The following SLC7A7 variants were observed in gnomAD, a reference collection of about 807,000 sequenced individuals.
SLC7A7 encodes Y+L amino acid transporter 1.
Under a neutral mutation model 47.9 loss-of-function variants are expected in SLC7A7, and 39 were observed. That is an observed-to-expected ratio of 0.81 (90% CI 0.63 to 1.06). The LOEUF (loss-of-function observed/expected upper bound fraction) is 1.06. Ranked by LOEUF, SLC7A7 falls within the 50% of genes least tolerant of loss-of-function variation. The probability of loss-of-function intolerance (pLI) is 0.00; values close to 1 mark genes in which losing one functional copy is unlikely to be tolerated. For synonymous variants in SLC7A7, 234 were observed against 242.8 expected (o/e 0.96, Z 0.34); for missense variants, 588 against 632.0 (o/e 0.93, Z 0.75).
chr14:22,774,327 A>G (rs756806900), intron 8 of SLC7A7, 27 bp downstream of exon 8: 3 of 1,613,896 alleles, frequency 1.9e-6, no homozygotes, highest in Non-Finnish European at 2.5e-6. Flanking sequence ...TTTCAGGTGG[A>G]GCAGAGGTAG....
intron 2 of SLC7A7, among the ~76,000 whole-genome samples, chr14:22,786,857 G>A (rs1241745202): frequency 2.0e-5 from 3 of 151,680 alleles, no homozygotes; most frequent in East Asian, 2.0e-4. Context: ...GATCGCTTGA[G>A]CCCAAGTGGT....
upstream of SLC7A7, among the ~76,000 whole-genome samples, chr14:22,816,706 ACTGT>A (rs1444450953): frequency 3.3e-5 from 5 of 152,038 alleles, no homozygotes; most frequent in Non-Finnish European, 7.4e-5. Context: ...CTGAAATCCA[ACTGT>A]CTGTTTCTTC....
At chr14:22,794,654 G>A (rs1004970782) in intron 2 of SLC7A7, among the ~76,000 whole-genome samples, 1 of 152,120 alleles carries the variant, frequency 6.6e-6, no homozygotes, top group Admixed American at 6.6e-5. Context: ...GCTTCTCTGG[G>A]TGTGTTTCCT....
At chr14:22,792,968 G>A (rs912667177) in intron 2 of SLC7A7, among the ~76,000 whole-genome samples, 1 of 149,990 alleles carries the variant, frequency 6.7e-6, no homozygotes, top group African/African-American at 2.5e-5. Context: ...CCAGGCTGGA[G>A]TGCAGTGGTG....
chr14:22,805,790 TTAAA>T (rs1415758622), intron 2 of SLC7A7, among the ~76,000 whole-genome samples: 1 of 151,966 alleles, frequency 6.6e-6, no homozygotes, highest in African/African-American at 2.4e-5. Context: ...GGAAGAAAAA[TTAAA>T]TAAATAAAAA....
chr14:22,803,403 G>A (rs141972586), intron 2 of SLC7A7, among the ~76,000 whole-genome samples: 209 of 152,230 alleles, frequency 1.4e-3, no homozygotes, highest in African/African-American at 4.8e-3. Context: ...GGGCAACAGA[G>A]CGAGACACCA....
intron 2 of SLC7A7, among the ~76,000 whole-genome samples, chr14:22,795,456 T>C (rs2039005640): frequency 1.4e-5 from 1 of 73,886 alleles, no homozygotes; most frequent in Non-Finnish European, 2.5e-5. Context: ...TCTATTCTTT[T>C]CTTTTCTTTT....
chr14:22,808,687 T>C lies in SLC7A7; in HGVS notation c.499+4213A>G, dbSNP rs546288084. Among the ~76,000 whole-genome samples the C allele has an allele frequency of 2.0e-5, 3 of 152,332 alleles. No individual in the cohort carries two copies. In the East Asian group the frequency reaches 5.8e-4, roughly 29 times the overall value. On this transcript the variant is annotated intron_variant, in intron 2 of 9. Transcript: ENST00000674313. ...AAAACCAAAACAGTGGCTGAAGGAATAAACCCATGAATCATATGTCACTAA... is the reference window on the plus strand; with the variant it reads ...AAAACCAAAACAGTGGCTGAAGGAACAAACCCATGAATCATATGTCACTAA...
At chr14:22,774,255 C>G (rs934031659) in intron 8 of SLC7A7, 99 bp downstream of exon 8, 3 of 1,602,744 alleles carry the variant, frequency 1.9e-6, no homozygotes, top group African/African-American at 2.7e-5. Flanking sequence ...CGACCAAGTC[C>G]CAGGCAAAGG....
intron 2 of SLC7A7, among the ~76,000 whole-genome samples, chr14:22,782,999 TCTC>T (rs1311290945): frequency 6.6e-6 from 1 of 151,678 alleles, no homozygotes; most frequent in Non-Finnish European, 1.5e-5. Context: ...AGTGGTGCGA[TCTC>T]AGCTCACTGC....
At position 22,773,608 on chromosome 14, in the gene SLC7A7, G is replaced by A; in HGVS notation, c.*2C>T. Reference sequence around the variant, plus strand: ...TTTCCACATCAGGATTCCAGATGGTGTTTAGTTAGATTTGGGATCCCGTTG... The same window carrying A: ...TTTCCACATCAGGATTCCAGATGGTATTTAGTTAGATTTGGGATCCCGTTG... On this transcript the variant is annotated 3_prime_UTR_variant, in exon 10 of 10. Transcript: ENST00000674313. The A allele has an allele frequency of 1.2e-6, 2 of 1,611,148 alleles. No individual in the cohort carries two copies. The highest frequency in any genetic ancestry group is 1.7e-6 in the Non-Finnish European group (2 of 1,177,214).
In SLC7A7 at chr14:22,813,488, A is replaced by G. The variant is rs1042536466; in HGVS notation, c.-42-48T>C. ...TATAGATTAGGTGGTTGGCAATTAC[A>G]TAGAACCTCTACCCGCCTCCAACAC... On this transcript the variant is annotated intron_variant, in intron 1 of 9. Coordinates refer to ENST00000674313, the MANE Select transcript of SLC7A7 (RefSeq NM_003982.4). 6 of 1,530,216 alleles carry G rather than the reference A, an allele frequency of 3.9e-6. No homozygotes were observed. The African/African-American group carries it at 8.1e-5, about 21-fold the overall frequency. The allele number at this position is 1,530,216 out of a possible 1,614,324, so 94.8% of individuals were successfully genotyped here. A position where few individuals can be genotyped will look rare whatever the true frequency, so the allele number is the denominator to read the frequency against.
chr14:22,776,185 A>T lies in SLC7A7; in HGVS notation c.894+10T>A, dbSNP rs769176965. ...ACACCCTCAACCTTCTGCTAGTGAA[A>T]ATCCTTTACCACAGCAACAGCATCA... On this transcript the variant is annotated intron_variant, in intron 5 of 9. Coordinates refer to ENST00000674313, the MANE Select transcript of SLC7A7 (RefSeq NM_003982.4). The T allele has an allele frequency of 3.7e-6, 6 of 1,614,166 alleles. No homozygotes were observed. The East Asian group carries it at 1.3e-4, about 36-fold the overall frequency.
chr14:22,776,076 G>T, intron 5 of SLC7A7, 119 bp downstream of exon 5: 1 of 1,492,588 alleles, frequency 6.7e-7, no homozygotes, highest in Non-Finnish European at 9.3e-7. Context: ...TTGCAAGCCC[G>T]GTATTCTAAA....
At chr14:22,778,769 G>A (rs770223858) in intron 4 of SLC7A7, 24 bp downstream of exon 4, 10 of 1,610,716 alleles carry the variant, frequency 6.2e-6, no homozygotes, top group Non-Finnish European at 8.5e-6. Flanking sequence ...CACTGCTATG[G>A]AAAGTTGGTG....
intron 2 of SLC7A7, among the ~76,000 whole-genome samples, chr14:22,805,652 G>A (rs2039189090): frequency 6.6e-6 from 1 of 152,202 alleles, no homozygotes; most frequent in South Asian, 2.1e-4. Context: ...AGGAATCATA[G>A]CTAATGGATG....
chr14:22,780,314 T>A, intron 2 of SLC7A7: 1 of 440,256 alleles, frequency 2.3e-6, no homozygotes, highest in South Asian at 2.2e-5. Context: ...ACATAAAAAA[T>A]ACATCCAAAT....
chr14:22,792,867 AAG>A (rs113285148), intron 2 of SLC7A7, among the ~76,000 whole-genome samples: 15,989 of 122,432 alleles, frequency 0.13, 1,127 homozygotes, highest in South Asian at 0.21. Context: ...CAAAGAAAGA[AAG>A]AGAGAGAGAG....
At chr14:22,803,071 T>C (rs894824687) in intron 2 of SLC7A7, among the ~76,000 whole-genome samples, 1 of 152,190 alleles carries the variant, frequency 6.6e-6, no homozygotes, top group African/African-American at 2.4e-5. Context: ...TATTCACATA[T>C]GTTTATATTC....
Sources: allele counts gnomAD v4.1 joint callset (sites outside exome capture counted in the v4.1 genomes callset), GRCh38; gene constraint gnomAD v4.1.1; transcripts MANE v1.5; gene names NCBI Gene and HGNC (gene_info 2026-07-23, HGNC 2026-07-21).